RABGAP1: variants seen among roughly 807,000 people sequenced by gnomAD.
The protein encoded by RABGAP1 is RAB GTPase activating protein 1.
A neutral mutation model predicts 137.6 loss-of-function variants in RABGAP1; 23 were observed. The observed-to-expected ratio is 0.17, with a 90% CI of 0.12 to 0.24. RABGAP1 has a LOEUF of 0.24. RABGAP1 is among the 10% of genes least tolerant of loss of function. The pLI is 1.00. For missense variants in RABGAP1, 906 were observed against 1,275.8 expected (o/e 0.71, Z 4.42); for synonymous variants, 451 against 450.7 (o/e 1.00, Z -0.01).
intron 6 of RABGAP1, among the ~76,000 whole-genome samples, chr9:122,994,140 A>G (rs1836895665): frequency 6.6e-6 from 1 of 152,224 alleles, no homozygotes; most frequent in Non-Finnish European, 1.5e-5. Context: ...GAAATTAAAT[A>G]CTAAATTCCC....
chr9:123,102,765 A>G (rs2035381070), intron 25 of RABGAP1, among the ~76,000 whole-genome samples: 1 of 152,104 alleles, frequency 6.6e-6, no homozygotes, highest in Admixed American at 6.5e-5. Context: ...CATGCTAGGG[A>G]GTTTAAAGAT....
intron 13 of RABGAP1, among the ~76,000 whole-genome samples, chr9:123,055,841 G>A (rs1198152217): frequency 2.0e-5 from 3 of 152,098 alleles, no homozygotes; most frequent in East Asian, 1.9e-4. Flanking sequence ...GTGAGCCACC[G>A]TGCCTGGCCA....
upstream of RABGAP1, among the ~76,000 whole-genome samples, chr9:122,936,021 T>C (rs1833383267): frequency 6.6e-6 from 1 of 152,190 alleles, no homozygotes. Context: ...TTGCAATCCT[T>C]TGTATGGGAC....
chr9:122,992,400 G>T (rs1365563021), intron 6 of RABGAP1, among the ~76,000 whole-genome samples: 2 of 151,964 alleles, frequency 1.3e-5, no homozygotes, highest in African/African-American at 2.4e-5. Flanking sequence ...TATTAAATAG[G>T]AAAGATTAAG....
intron 10 of RABGAP1, among the ~76,000 whole-genome samples, chr9:123,007,634 G>T (rs560826165): frequency 9.5e-5 from 14 of 147,574 alleles, no homozygotes; most frequent in African/African-American, 3.5e-4. Context: ...CCTGGGCTCA[G>T]GTGATCTGCC....
At chr9:122,987,883 A>G (rs1836450840) in intron 4 of RABGAP1, among the ~76,000 whole-genome samples, 1 of 152,130 alleles carries the variant, frequency 6.6e-6, no homozygotes, top group Admixed American at 6.5e-5. Context: ...AGAAATATTG[A>G]TCTAGTTTAT....
intron 10 of RABGAP1, among the ~76,000 whole-genome samples, chr9:123,005,893 G>T (rs1295652961): frequency 6.6e-6 from 1 of 152,218 alleles, no homozygotes; most frequent in Non-Finnish European, 1.5e-5. Context: ...CTGTTTCTCT[G>T]CAGGGTTGTC....
At chr9:122,932,330 ACCC>A in the RABGAP1 span, among the ~76,000 whole-genome samples, 3 of 152,074 alleles carry the variant, frequency 2.0e-5, no homozygotes, top group Admixed American at 6.6e-5. Context: ...AAAGTGATCC[ACCC>A]TCCTCAGCCT....
At chr9:122,967,539 A>C (rs1035298078) in intron 2 of RABGAP1, among the ~76,000 whole-genome samples, 1 of 152,182 alleles carries the variant, frequency 6.6e-6, no homozygotes, top group East Asian at 1.9e-4. Context: ...AGAAATTAAG[A>C]CAGCAGTAAA....
At position 122,957,169 on chromosome 9, in the gene RABGAP1, C is replaced by T; in HGVS notation, c.110C>T (p.Ser37Phe). 6.4e-7 allele frequency: 1 copy of T among 1,569,326 alleles called. No individual in the cohort carries two copies. Among genetic ancestry groups the T allele is most frequent in the Non-Finnish European group, 8.7e-7 (1 of 1,148,906 alleles). ...TCCAGGCAAGGAGATGAGACACCAT[C>T]TACAAATAATGGAAGTGATGATGAG... ...LVSRQGDETP[S>F]TNNGSDDEKT... Residue 37 changes from serine to phenylalanine, a missense_variant, in exon 2 of 26, where the codon TCT (serine) becomes TTT (phenylalanine). By Grantham distance (155) the Ser-to-Phe change is radical (BLOSUM62 -2). This residue lies in a region of RABGAP1 where 331 missense variants were observed against 358.3 expected (regional missense o/e 0.92). Coordinates refer to ENST00000373647, the MANE Select transcript of RABGAP1 (RefSeq NM_012197.4).
At chr9:122,988,257 C>T (rs528495721) in intron 4 of RABGAP1, among the ~76,000 whole-genome samples, 72 of 152,242 alleles carry the variant, frequency 4.7e-4, no homozygotes, top group Non-Finnish European at 7.8e-4. Context: ...TGTGTTAGAT[C>T]CTCTTCCTAG....
At chr9:123,055,863 C>T (rs2033672697) in intron 13 of RABGAP1, among the ~76,000 whole-genome samples, 1 of 152,128 alleles carries the variant, frequency 6.6e-6, no homozygotes, top group South Asian at 2.1e-4. Flanking sequence ...TTATTTTATA[C>T]TTATATAACC....
rs374595551 is a variant in RABGAP1 at position 123,015,612 on chromosome 9, C to T, written c.1619C>T (p.Thr540Ile). Residue 540 changes from threonine to isoleucine, a missense_variant, in exon 12 of 26, where the codon ACA (threonine) becomes ATA (isoleucine). By Grantham distance (89) the Thr-to-Ile change is moderately conservative. Coordinates refer to ENST00000373647, the MANE Select transcript of RABGAP1 (RefSeq NM_012197.4). ...GAATGTGCAGAAAAAATTCTTGAAA[C>T]ATGGGGAGAACTGTTGTCAAAATGG... is the stretch of plus-strand genomic sequence containing the variant. ...SKECAEKILE[T>I]WGELLSKWHL... The T allele has an allele frequency of 6.2e-7, 1 of 1,610,904 alleles. No homozygotes were observed. Among genetic ancestry groups the T allele is most frequent in the Non-Finnish European group, 8.5e-7 (1 of 1,177,544 alleles).
chr9:123,042,969 A>G (rs908441235), intron 13 of RABGAP1, among the ~76,000 whole-genome samples: 10 of 152,164 alleles, frequency 6.6e-5, no homozygotes, highest in Non-Finnish European at 1.5e-4. Context: ...TAGGGATTTG[A>G]GTAGCAGAGG....
At chr9:123,098,586 G>GT (rs1409460925) in intron 22 of RABGAP1, 129 bp from the exon 23 acceptor site, 2 of 649,264 alleles carry the variant, frequency 3.1e-6, no homozygotes, top group Non-Finnish European at 5.3e-6. Flanking sequence ...AAGGAAGAAA[G>GT]TAGCTGAATT....
intron 23 of RABGAP1, among the ~76,000 whole-genome samples, 173 bp from the exon 24 acceptor site, chr9:123,099,305 G>A (rs919467294): frequency 2.0e-5 from 3 of 152,058 alleles, no homozygotes; most frequent in Admixed American, 6.6e-5. Context: ...ATGCAGAGGC[G>A]GCATAGCTAG....
At chr9:122,953,904 C>G (rs1424593939) in intron 1 of RABGAP1, among the ~76,000 whole-genome samples, 3 of 152,172 alleles carry the variant, frequency 2.0e-5, no homozygotes, top group Non-Finnish European at 2.9e-5. Context: ...GGCATTATTA[C>G]AGGTGCTAGG....
chr9:123,045,966 T>C (rs2033188783), intron 13 of RABGAP1, among the ~76,000 whole-genome samples: 1 of 152,218 alleles, frequency 6.6e-6, no homozygotes, highest in African/African-American at 2.4e-5. Flanking sequence ...ATTCTTCCAA[T>C]GACTTCCAGG....
At chr9:123,005,356 A>G (rs1013924445) in intron 10 of RABGAP1, among the ~76,000 whole-genome samples, 1 of 151,302 alleles carries the variant, frequency 6.6e-6, no homozygotes, top group Non-Finnish European at 1.5e-5. Context: ...GTAGAAATGT[A>G]TACTCGGAAG....
Sources: gnomAD v4.1 joint callset for allele counts (sites outside exome capture counted in the v4.1 genomes callset) on GRCh38, gnomAD v4.1.1 for gene constraint, gnomAD v4.1.1 regional missense constraint, MANE v1.5 for transcripts, NCBI Gene and HGNC (gene_info 2026-07-23, HGNC 2026-07-21) for gene names.